Variants in ITPRID1 observed in about 807,000 individuals in gnomAD.
ITPRID1 encodes ITPR interacting domain containing 1.
ITPRID1 carries 96 observed loss-of-function variants against 95.4 expected under a neutral mutation model. The ratio of observed to expected loss-of-function variants is 1.01; its 90% CI spans 0.85 to 1.19. The LOEUF is 1.19. ITPRID1 is among the 50% of genes most tolerant of loss of function. The pLI is 0.00. For synonymous variants in ITPRID1, 510 were observed against 453.6 expected, an observed-to-expected ratio of 1.12 and a Z score of -1.58; for missense variants, 1,339 against 1,252.9, an observed-to-expected ratio of 1.07 and a Z score of -1.04.
chr7:31,565,910 C>A (rs1031253227), intron 5 of ITPRID1, among the ~76,000 whole-genome samples: 1 of 152,080 alleles, frequency 6.6e-6, no homozygotes, highest in African/African-American at 2.4e-5. Flanking sequence ...AAGCCCTTTC[C>A]CCAGCTGGTT....
intron 10 of ITPRID1, among the ~76,000 whole-genome samples, chr7:31,594,883 C>T (rs1328890689): frequency 6.6e-6 from 1 of 151,722 alleles, no homozygotes; most frequent in Non-Finnish European, 1.5e-5. Flanking sequence ...AAAGGGGGAG[C>T]TTTTAATATT....
At chr7:31,650,950 G>A (rs1203755515) in intron 12 of ITPRID1, among the ~76,000 whole-genome samples, 192 bp from the exon 13 acceptor site, 1 of 152,098 alleles carries the variant, frequency 6.6e-6, no homozygotes, top group Non-Finnish European at 1.5e-5. Flanking sequence ...CCCTTCTGTT[G>A]CAGATGAGCA....
chr7:31,519,179 T>G (rs1783138969), intron 1 of ITPRID1, among the ~76,000 whole-genome samples: 1 of 152,156 alleles, frequency 6.6e-6, no homozygotes, highest in Non-Finnish European at 1.5e-5. Flanking sequence ...AAATGAGATA[T>G]TTCTTGTTCT....
At chr7:31,628,995 TC>T (rs545463355) in intron 10 of ITPRID1, among the ~76,000 whole-genome samples, 612 of 152,208 alleles carry the variant, frequency 4.0e-3, no homozygotes, top group Middle Eastern at 0.017. Flanking sequence ...GGTACTTGAA[TC>T]AGTAGAAAAA....
At chr7:31,612,786 G>C (rs1031987854) in intron 10 of ITPRID1, among the ~76,000 whole-genome samples, 1 of 152,052 alleles carries the variant, frequency 6.6e-6, no homozygotes, top group African/African-American at 2.4e-5. Context: ...AGAAATTAGG[G>C]TCTTCTCAGA....
intron 6 of ITPRID1, 84 bp from the exon 7 acceptor site, chr7:31,572,018 C>T: frequency 1.2e-6 from 1 of 847,122 alleles, no homozygotes; most frequent in Non-Finnish European, 1.9e-6. Flanking sequence ...CAAATGTTTG[C>T]TCTGGAAGGA....
At chr7:31,515,610 A>G (rs779016036) in intron 1 of ITPRID1, among the ~76,000 whole-genome samples, 5 of 152,142 alleles carry the variant, frequency 3.3e-5, no homozygotes, top group Non-Finnish European at 4.4e-5. Flanking sequence ...AAAAGAGTCA[A>G]ATGTATCTAC....
intron 10 of ITPRID1, among the ~76,000 whole-genome samples, chr7:31,622,900 A>T (rs1012372380): frequency 6.6e-6 from 1 of 152,034 alleles, no homozygotes; most frequent in Non-Finnish European, 1.5e-5. Context: ...TCAAATAGAC[A>T]CAATAAAAAA....
At position 31,572,162 on chromosome 7, in the gene ITPRID1, C is replaced by CT; in HGVS notation, c.370dup (p.Tyr124LeufsTer12). The CT allele has an allele frequency of 6.2e-7, 1 of 1,610,352 alleles. No homozygotes were observed. Among genetic ancestry groups the CT allele is most frequent in the East Asian group, 2.2e-5 (1 of 44,816 alleles). On this transcript the variant is annotated frameshift_variant, in exon 7 of 15. Coordinates refer to ENST00000615280, the MANE Select transcript of ITPRID1 (RefSeq NM_001257967.3). LOFTEE classifies it high-confidence loss of function. The stretch of plus-strand genomic sequence containing the variant: ...CCAGAGGGACCAGTTTCAACTCTTG[C>CT]TATTCTACTGCAAGTGTACCACAAA...
chr7:31,558,214 C>A (rs767348187), intron 5 of ITPRID1, among the ~76,000 whole-genome samples: 4 of 152,166 alleles, frequency 2.6e-5, no homozygotes, highest in Non-Finnish European at 5.9e-5. Context: ...GCCACTTGAT[C>A]TTGGACTTCC....
chr7:31,578,898 A>T (rs898434184), intron 9 of ITPRID1, among the ~76,000 whole-genome samples: 2 of 152,150 alleles, frequency 1.3e-5, no homozygotes, highest in African/African-American at 4.8e-5. Flanking sequence ...TGTCTCCCCA[A>T]AAAGACTCTC....
rs150668078 is a variant in ITPRID1, at chr7:31,628,108, G to A, written c.1229-14068G>A. Among the ~76,000 whole-genome samples, 172 of 152,334 alleles carry A rather than the reference G, an allele frequency of 1.1e-3. 1 individual carries two copies. The highest frequency in any genetic ancestry group is 2.6e-3 in the Admixed American group (40 of 15,306). ...CTGTGAAAGTTGGAGCCTGAGAAGA[G>A]AGACCTCTCAAAAAGAGCTCTCACA... On this transcript the variant is annotated intron_variant, in intron 10 of 14. Transcript: ENST00000615280.
At chr7:31,658,432 A>G (rs192959503), downstream of ITPRID1, 6 of 1,441,646 alleles carry the variant, frequency 4.2e-6, no homozygotes, top group African/African-American at 7.1e-5. Context: ...TTTCCAGAGT[A>G]TAACACATGT....
chr7:31,648,196 A>G (rs1259261902), intron 12 of ITPRID1, among the ~76,000 whole-genome samples: 2 of 152,204 alleles, frequency 1.3e-5, no homozygotes, highest in African/African-American at 4.8e-5. Flanking sequence ...GAGCATATTC[A>G]AAGTGAAAAT....
chr7:31,532,461 T>C (rs896466101), intron 1 of ITPRID1, among the ~76,000 whole-genome samples: 1 of 152,198 alleles, frequency 6.6e-6, no homozygotes, highest in Non-Finnish European at 1.5e-5. Flanking sequence ...CAGTCTTTCA[T>C]TGTTAGGTAT....
At chr7:31,609,508 G>C (rs1472452924) in intron 10 of ITPRID1, among the ~76,000 whole-genome samples, 1 of 151,490 alleles carries the variant, frequency 6.6e-6, no homozygotes, top group East Asian at 1.9e-4. Flanking sequence ...AAAATTTTCT[G>C]TTTCTGCTAG....
At chr7:31,593,080 C>G (rs1962804) in intron 10 of ITPRID1, among the ~76,000 whole-genome samples, 73,997 of 151,908 alleles carry the variant, frequency 0.49, 19,119 homozygotes, top group Non-Finnish European at 0.56. Flanking sequence ...CAAGGTGGGT[C>G]GATCACTTGA....
chr7:31,541,037 T>G (rs1291432322), intron 1 of ITPRID1, among the ~76,000 whole-genome samples: 3 of 152,210 alleles, frequency 2.0e-5, no homozygotes, highest in South Asian at 4.1e-4. Context: ...AAATAACTAT[T>G]GTCATAACTT....
At chr7:31,554,318 G>T in intron 3 of ITPRID1, 157 bp from the exon 4 acceptor site, 2 of 1,316,046 alleles carry the variant, frequency 1.5e-6, no homozygotes, top group Non-Finnish European at 2.0e-6. Flanking sequence ...GAAAACAGGA[G>T]ATTTTGCCTT....
Sources: gnomAD v4.1 joint callset for allele counts (sites outside exome capture counted in the v4.1 genomes callset) on GRCh38, gnomAD v4.1.1 for gene constraint, MANE v1.5 for transcripts, NCBI Gene and HGNC (gene_info 2026-07-23, HGNC 2026-07-21) for gene names.